Variants in LHX2 observed in about 807,000 individuals in gnomAD.
LHX2 encodes the protein LIM/homeobox protein Lhx2.
LHX2 carries 6 observed loss-of-function variants against 33.0 expected under a neutral mutation model. That is an observed-to-expected ratio of 0.18 (90% confidence interval 0.10 to 0.36). The LOEUF (loss-of-function observed/expected upper bound fraction) is 0.36, where lower values mean the gene tolerates loss of function less well. Among genes scored for constraint, LHX2 ranks in the 10% least tolerant of loss-of-function variants. The pLI is 1.00. For missense variants in LHX2, 442 were observed against 586.2 expected (o/e 0.75, Z 2.54); for synonymous variants, 292 against 253.1 (o/e 1.15, Z -1.46).
In LHX2 at chr9:124,015,296, C is replaced by T. The variant is rs774298062; in HGVS notation, c.498C>T (p.Arg166=). The change falls in exon 3 of 5, where the codon CGC becomes CGT. Residue 166 remains arginine, a synonymous_variant. Coordinates refer to ENST00000373615, the MANE Select transcript of LHX2 (RefSeq NM_004789.4). The surrounding 1 kb of genome is among the most constrained non-coding windows in gnomAD (Gnocchi z 7.9). ...TGAAGGACAGCCTGGTCTACTGCCG[C>T]TTGCACTTCGAGGCGCTGCTGCAGG... ...FGMKDSLVYC[R]LHFEALLQGE... 6.2e-7 allele frequency: 1 copy of T among 1,614,128 alleles called. No individual in the cohort carries two copies. Among genetic ancestry groups the T allele is most frequent in the South Asian group, 1.1e-5 (1 of 91,090 alleles).
chr9:124,019,544 C>T (rs1859255392), intron 3 of LHX2, among the ~76,000 whole-genome samples: 1 of 152,158 alleles, frequency 6.6e-6, no homozygotes, highest in African/African-American at 2.4e-5. Context: ...AGATAAATGA[C>T]AATTTTTTAG....
rs780297630 is a variant in LHX2 at position 124,015,482 on chromosome 9, T to A, written c.684T>A (p.Arg228=). The A allele has an allele frequency of 2.7e-6, 4 of 1,489,764 alleles. No homozygotes were observed. Among genetic ancestry groups the A allele is most frequent in the Admixed American group, 5.1e-5 (2 of 39,412 alleles). 92.3% of individuals were successfully genotyped at this position (1,489,764 alleles called of 1,614,324 possible). A position where few individuals can be genotyped will look rare whatever the true frequency, so the allele number is the denominator to read the frequency against. ...TGCAGAAGGGGCGGCCGAGGAAACGTAAGAGCCCGGGCCCCGGTGCGGATC... is the reference window on the plus strand; with the variant it reads ...TGCAGAAGGGGCGGCCGAGGAAACGAAAGAGCCCGGGCCCCGGTGCGGATC... ...GTVQKGRPRK[R]KSPGPGADLA... The change falls in exon 3 of 5, where the codon CGT becomes CGA. Residue 228 remains arginine, a synonymous_variant. Transcript: ENST00000373615. This position sits in a 1 kb window ranked among gnomAD's most constrained non-coding sequence, Gnocchi z 7.9.
At chr9:124,026,273 A>C (rs1403935491) in intron 4 of LHX2, among the ~76,000 whole-genome samples, 2 of 151,950 alleles carry the variant, frequency 1.3e-5, no homozygotes, top group Non-Finnish European at 2.9e-5. Flanking sequence ...AGCCTCACCA[A>C]CATGGTGAAA....
Position 124,032,325 on chromosome 9 carries a change from A to G in LHX2, c.934-95A>G. ...GGATCCTCTTGGCAAAACACAGATC[A>G]GCGTCCCCAGAGGCAGCAGAGCTCT... On this transcript the variant is annotated intron_variant, in intron 4 of 4. Coordinates refer to ENST00000373615, the MANE Select transcript of LHX2 (RefSeq NM_004789.4). The surrounding 1 kb of genome is among the most constrained non-coding windows in gnomAD (Gnocchi z 4.1). The G allele has an allele frequency of 7.2e-7, 1 of 1,387,940 alleles. No homozygotes were observed. Among genetic ancestry groups the G allele is most frequent in the Non-Finnish European group, 9.6e-7 (1 of 1,040,896 alleles). 86.0% of individuals were successfully genotyped at this position (1,387,940 alleles called of 1,614,324 possible). A position where few individuals can be genotyped will look rare whatever the true frequency, so the allele number is the denominator to read the frequency against.
At position 124,028,880 on chromosome 9, in the gene LHX2, G is replaced by C. The variant is rs184914900; in HGVS notation, c.934-3540G>C. Among the ~76,000 whole-genome samples the C allele has an allele frequency of 3.2e-4, 48 of 152,296 alleles. No individual in the cohort carries two copies. In the East Asian group the frequency reaches 3.7e-3, roughly 12 times the overall value. ...CCCAGAACTTTGGGAGGCCAAGGTG[G>C]GCGGATCACCTGAGGTCAGGAGTTC... On this transcript the variant is annotated intron_variant, in intron 4 of 4. Coordinates refer to ENST00000373615, the MANE Select transcript of LHX2 (RefSeq NM_004789.4).
intron 4 of LHX2, among the ~76,000 whole-genome samples, chr9:124,025,705 TG>T (rs1476937063): frequency 7.2e-5 from 11 of 152,202 alleles, no homozygotes. Context: ...TCTTTCAGTC[TG>T]GGTGTGGTGG....
chr9:124,015,379 C>G lies in LHX2; in HGVS notation c.581C>G (p.Ala194Gly), dbSNP rs1859167678. ...GTGGCAGCGGCGGCCGCTGCAGCCG[C>G]GGCGGCCAAGAGCGCGGGGCTGGGC... ...ADVAAAAAAA[A>G]AAKSAGLGAA... Residue 194 changes from alanine to glycine, a missense_variant, in exon 3 of 5, where the codon GCG (alanine) becomes GGG (glycine). Physicochemically the swap from Ala to Gly is moderately conservative, Grantham distance 60. Around this residue, in one of 5 missense-constraint regions of LHX2, gnomAD observed 132 missense variants for 139.1 expected, o/e 0.95. Transcript: ENST00000373615. The surrounding 1 kb of genome is among the most constrained non-coding windows in gnomAD (Gnocchi z 7.9). 6.2e-7 allele frequency: 1 copy of G among 1,609,812 alleles called. No individual in the cohort carries two copies. Among genetic ancestry groups the G allele is most frequent in the Admixed American group, 1.7e-5 (1 of 59,676 alleles).
At chr9:124,030,853 G>A (rs892313459) in intron 4 of LHX2, among the ~76,000 whole-genome samples, 111 of 152,052 alleles carry the variant, frequency 7.3e-4, no homozygotes, top group African/African-American at 1.8e-3. Flanking sequence ...GGCTGGTCTC[G>A]AACTGCTGAC....
intron 4 of LHX2, among the ~76,000 whole-genome samples, chr9:124,024,720 T>G (rs1431505498): frequency 6.6e-6 from 1 of 152,232 alleles, no homozygotes; most frequent in East Asian, 1.9e-4. Flanking sequence ...GTACAGTTCA[T>G]TCTGCAACCC....
intron 3 of LHX2, among the ~76,000 whole-genome samples, chr9:124,017,597 G>A (rs1471785592): frequency 6.6e-6 from 1 of 152,174 alleles, no homozygotes; most frequent in African/African-American, 2.4e-5. Flanking sequence ...TTCCGACCAC[G>A]GGGACACGAG....
intron 4 of LHX2, among the ~76,000 whole-genome samples, chr9:124,029,777 C>G (rs1461710646): frequency 6.6e-6 from 1 of 152,232 alleles, no homozygotes; most frequent in Non-Finnish European, 1.5e-5. Context: ...TCAGGGGTCA[C>G]ACGCACACAG....
chr9:124,012,530 T>C lies in LHX2; in HGVS notation c.120+62T>C. ...GGATGGGGCCGGGCCAGTCAGCGCCTCTGCTCCCCGAAGTTTGGGGAGCGT... is the reference window on the plus strand; with the variant it reads ...GGATGGGGCCGGGCCAGTCAGCGCCCCTGCTCCCCGAAGTTTGGGGAGCGT... On this transcript the variant is annotated intron_variant, in intron 1 of 4. Coordinates refer to ENST00000373615, the MANE Select transcript of LHX2 (RefSeq NM_004789.4). This position sits in a 1 kb window ranked among gnomAD's most constrained non-coding sequence, Gnocchi z 4.3. 1 of 1,417,212 alleles carries C rather than the reference T, an allele frequency of 7.1e-7. No homozygotes were observed. Among genetic ancestry groups the C allele is most frequent in the Non-Finnish European group, 9.2e-7 (1 of 1,083,778 alleles). 87.8% of individuals were successfully genotyped at this position (1,417,212 alleles called of 1,614,324 possible).
At chr9:124,021,629 C>T (rs1005561621) in intron 4 of LHX2, among the ~76,000 whole-genome samples, 1 of 152,230 alleles carries the variant, frequency 6.6e-6, no homozygotes. Flanking sequence ...TCAAGTGACA[C>T]TCATTTTACA....
chr9:124,030,666 C>T (rs1828694012), intron 4 of LHX2, among the ~76,000 whole-genome samples: 1 of 127,480 alleles, frequency 7.8e-6, no homozygotes, highest in South Asian at 2.5e-4. Context: ...GAGTCTTGCT[C>T]TGTGGCCCAG....
At position 124,033,116 on chromosome 9, in the gene LHX2, C is replaced by CA. The variant is rs11404693; in HGVS notation, c.*417dup. 18,111 of 112,658 alleles carry CA rather than the reference C, an allele frequency of 0.16. 1,432 individuals are homozygous for CA. The highest frequency in any genetic ancestry group is 0.39 in the East Asian group (1,737 of 4,508). 7.0% of individuals were successfully genotyped at this position (112,658 alleles called of 1,614,324 possible). A position where few individuals can be genotyped will look rare whatever the true frequency, so the allele number is the denominator to read the frequency against. On this transcript the variant is annotated 3_prime_UTR_variant, in exon 5 of 5. Transcript: ENST00000373615. ...ATGACCAGAGCAAAAATGTAAAAAA[C>CA]AAAAAAAACAACAAAAAAAGTTTGT...
In LHX2 at chr9:124,012,481, C is replaced by A; in HGVS notation, c.120+13C>A. 1.3e-6 allele frequency: 2 copies of A among 1,538,126 alleles called. No individual in the cohort carries two copies. Among genetic ancestry groups the A allele is most frequent in the South Asian group, 1.2e-5 (1 of 83,342 alleles). The stretch of plus-strand genomic sequence containing the variant: ...CGACACCGAGACGGTAGGCGCGCGG[C>A]TGTGGGGTCGGGGCTGAGAGCTGGG... On this transcript the variant is annotated intron_variant, in intron 1 of 4. Transcript: ENST00000373615. This position sits in a 1 kb window ranked among gnomAD's most constrained non-coding sequence, Gnocchi z 4.3.
chr9:124,032,320 A>G lies in LHX2; in HGVS notation c.934-100A>G, dbSNP rs1459967596. On this transcript the variant is annotated intron_variant, in intron 4 of 4. Coordinates refer to ENST00000373615, the MANE Select transcript of LHX2 (RefSeq NM_004789.4). This position sits in a 1 kb window ranked among gnomAD's most constrained non-coding sequence, Gnocchi z 4.1. Reference sequence around the variant, plus strand: ...TTTTTGGATCCTCTTGGCAAAACACAGATCAGCGTCCCCAGAGGCAGCAGA... The same window carrying G: ...TTTTTGGATCCTCTTGGCAAAACACGGATCAGCGTCCCCAGAGGCAGCAGA... 28 of 1,374,062 alleles carry G rather than the reference A, an allele frequency of 2.0e-5. No individual in the cohort carries two copies. Among genetic ancestry groups the G allele is most frequent in the Non-Finnish European group, 2.5e-5 (26 of 1,030,228 alleles). 85.1% of individuals were successfully genotyped at this position (1,374,062 alleles called of 1,614,324 possible). A position where few individuals can be genotyped will look rare whatever the true frequency, so the allele number is the denominator to read the frequency against.
rs1360827094 is a variant in LHX2, at chr9:124,012,463, G to A, written c.115G>A (p.Glu39Lys). ...ISSAIDRGDTETTMPSISSDR... is the reference protein window; with the variant it reads ...ISSAIDRGDTKTTMPSISSDR... The stretch of plus-strand genomic sequence containing the variant: ...CTCCGCCATCGACCGCGGCGACACC[G>A]AGACGGTAGGCGCGCGGCTGTGGGG... The change falls in exon 1 of 5, where the codon GAG becomes AAG. Residue 39 changes from glutamate to lysine, a missense_variant. Glu to Lys is a moderately conservative substitution (Grantham distance 56, BLOSUM62 1). Transcript: ENST00000373615. The surrounding 1 kb of genome is among the most constrained non-coding windows in gnomAD (Gnocchi z 4.3). 6.5e-7 allele frequency: 1 copy of A among 1,546,936 alleles called. No homozygotes were observed. The highest frequency in any genetic ancestry group is 8.7e-7 in the Non-Finnish European group (1 of 1,154,816).
At position 124,032,615 on chromosome 9, in the gene LHX2, A is replaced by G. The variant is rs1489617052; in HGVS notation, c.1129A>G (p.Thr377Ala). 4 of 1,614,168 alleles carry G rather than the reference A, an allele frequency of 2.5e-6. No individual in the cohort carries two copies. Among genetic ancestry groups the G allele is most frequent in the African/African-American group, 1.3e-5 (1 of 75,050 alleles). ...AGACTTGACTAGCCCCACCCTGCCA[A>G]CTGTGACGTCCGTCTTAACTTCTGT... is the stretch of plus-strand genomic sequence containing the variant. ...LTDLTSPTLPTVTSVLTSVPG... is the reference protein window; with the variant it reads ...LTDLTSPTLPAVTSVLTSVPG... The change falls in exon 5 of 5, where the codon ACT (threonine) becomes GCT (alanine). Residue 377 changes from threonine to alanine, a missense_variant. By Grantham distance (58) the Thr-to-Ala change is moderately conservative. Transcript: ENST00000373615. This position sits in a 1 kb window ranked among gnomAD's most constrained non-coding sequence, Gnocchi z 4.1.
Sources: gnomAD v4.1 joint callset for allele counts (sites outside exome capture counted in the v4.1 genomes callset) on GRCh38, gnomAD v4.1.1 for gene constraint, gnomAD v4.1.1 regional missense constraint, Gnocchi (gnomAD v3.1) non-coding constraint, MANE v1.5 for transcripts, NCBI Gene and HGNC (gene_info 2026-07-23, HGNC 2026-07-21) for gene names.